TNR: variants seen among roughly 807,000 people sequenced by gnomAD.
TNR encodes tenascin R.
In TNR, 45 loss-of-function variants were observed where a neutral mutation model predicts 150.4. The ratio of observed to expected loss-of-function variants is 0.30; its 90% CI spans 0.24 to 0.38. The LOEUF (loss-of-function observed/expected upper bound fraction) is 0.38. Among genes scored for constraint, TNR ranks in the 10% least tolerant of loss-of-function variants. The pLI is 1.00. For synonymous variants in TNR, 687 were observed against 678.4 expected, an observed-to-expected ratio of 1.01 and a Z score of -0.20; for missense variants, 1,544 against 1,759.1, an observed-to-expected ratio of 0.88 and a Z score of 2.19.
At chr1:175,641,142 G>A (rs905693515) in intron 1 of TNR, among the ~76,000 whole-genome samples, 11 of 152,088 alleles carry the variant, frequency 7.2e-5, no homozygotes, top group African/African-American at 2.7e-4. Flanking sequence ...GGAGAAATTG[G>A]TTAAATAAAA....
intron 1 of TNR, among the ~76,000 whole-genome samples, chr1:175,692,908 C>A (rs1335065127): frequency 6.6e-6 from 1 of 152,172 alleles, no homozygotes; most frequent in African/African-American, 2.4e-5. Flanking sequence ...ATCAGTCCTG[C>A]TTCACAGAAT....
chr1:175,642,230 T>C (rs1664687382), intron 1 of TNR, among the ~76,000 whole-genome samples: 1 of 152,038 alleles, frequency 6.6e-6, no homozygotes, highest in Admixed American at 6.5e-5. Context: ...ATGTGAAAAG[T>C]GTATAGGCAT....
At chr1:175,738,132 G>A (rs545796704) in intron 1 of TNR, among the ~76,000 whole-genome samples, 3 of 152,258 alleles carry the variant, frequency 2.0e-5, no homozygotes, top group African/African-American at 7.2e-5. Context: ...GAAGCCACCT[G>A]CTTGAACGTC....
intron 2 of TNR, among the ~76,000 whole-genome samples, chr1:175,445,892 C>A (rs73042490): frequency 0.021 from 3,185 of 152,236 alleles, 115 homozygotes; most frequent in African/African-American, 0.073. Flanking sequence ...TGTGCCTCTG[C>A]TCAAAATAAG....
At chr1:175,586,863 A>G (rs1662596709) in intron 1 of TNR, among the ~76,000 whole-genome samples, 2 of 152,198 alleles carry the variant, frequency 1.3e-5, no homozygotes, top group South Asian at 4.1e-4. Context: ...CACTTCAGGC[A>G]AAGAGACCAA....
At chr1:175,460,908 T>G (rs1359310122) in intron 2 of TNR, among the ~76,000 whole-genome samples, 1 of 152,142 alleles carries the variant, frequency 6.6e-6, no homozygotes, top group East Asian at 1.9e-4. Flanking sequence ...CCCACACACA[T>G]GTACATGCTC....
intron 21 of TNR, 109 bp downstream of exon 21, chr1:175,329,965 G>T: frequency 1.6e-6 from 2 of 1,222,378 alleles, no homozygotes; most frequent in Non-Finnish European, 2.2e-6. Flanking sequence ...AGCAGCGAAT[G>T]CTGGAACTCT....
intron 1 of TNR, among the ~76,000 whole-genome samples, chr1:175,605,257 T>C (rs1188696693): frequency 1.3e-5 from 2 of 152,210 alleles, no homozygotes; most frequent in African/African-American, 4.8e-5. Flanking sequence ...AGGAAAGTTA[T>C]TTAACCTTTC....
At chr1:175,710,042 G>A (rs1199402141) in intron 1 of TNR, among the ~76,000 whole-genome samples, 1 of 151,994 alleles carries the variant, frequency 6.6e-6, no homozygotes, top group Non-Finnish European at 1.5e-5. Context: ...GTTTTCATAG[G>A]AAAAAGTATG....
intron 9 of TNR, among the ~76,000 whole-genome samples, chr1:175,367,701 T>C (rs149595245): frequency 2.1e-4 from 32 of 152,302 alleles, no homozygotes; most frequent in Middle Eastern, 3.4e-3. Context: ...GACATAGACC[T>C]GAAAAGCATT....
chr1:175,390,151 T>C (rs936510916), intron 7 of TNR, among the ~76,000 whole-genome samples: 3 of 152,210 alleles, frequency 2.0e-5, no homozygotes, highest in Non-Finnish European at 4.4e-5. Flanking sequence ...CAACGTTTTC[T>C]AAACTGAGCT....
intron 1 of TNR, among the ~76,000 whole-genome samples, chr1:175,542,154 T>A (rs1660525374): frequency 1.3e-5 from 2 of 152,070 alleles, no homozygotes; most frequent in South Asian, 2.1e-4. Flanking sequence ...AATTGTTAGG[T>A]TGAAGGAAGG....
chr1:175,524,132 C>A (rs1281691155), intron 2 of TNR, among the ~76,000 whole-genome samples: 1 of 152,190 alleles, frequency 6.6e-6, no homozygotes, highest in East Asian at 1.9e-4. Flanking sequence ...TGCATAGCCT[C>A]ACCATCTCAC....
chr1:175,675,498 G>A (rs1665831478), intron 1 of TNR, among the ~76,000 whole-genome samples: 1 of 152,210 alleles, frequency 6.6e-6, no homozygotes, highest in Admixed American at 6.5e-5. Context: ...TGCTCCATAA[G>A]TGTATGCTGT....
At chr1:175,567,726 C>T (rs567669295) in intron 1 of TNR, among the ~76,000 whole-genome samples, 6 of 152,262 alleles carry the variant, frequency 3.9e-5, no homozygotes, top group African/African-American at 9.6e-5. Context: ...AACTCATTTG[C>T]CTCTCCTGTG....
intron 1 of TNR, among the ~76,000 whole-genome samples, chr1:175,722,421 A>G (rs1211117237): frequency 6.6e-6 from 1 of 151,952 alleles, no homozygotes; most frequent in Non-Finnish European, 1.5e-5. Context: ...GGTGACAGTA[A>G]CCATTTTTCC....
chr1:175,367,193 A>C lies in TNR; in HGVS notation c.2053+15T>G, dbSNP rs2102015257. The C allele has an allele frequency of 6.2e-7, 1 of 1,613,320 alleles. No homozygotes were observed. Among genetic ancestry groups the C allele is most frequent in the South Asian group, 1.1e-5 (1 of 90,994 alleles). On this transcript the variant is annotated intron_variant, in intron 10 of 22. Coordinates refer to ENST00000367674, the MANE Select transcript of TNR (RefSeq NM_003285.3). The stretch of plus-strand genomic sequence containing the variant: ...GGCTAACCTGGTCTTCTTCCTCAGC[A>C]GTCCTCCTACTCACCAGTCCTGGCA...
At chr1:175,638,474 G>A (rs150228483) in intron 1 of TNR, among the ~76,000 whole-genome samples, 3 of 152,276 alleles carry the variant, frequency 2.0e-5, no homozygotes, top group Admixed American at 6.5e-5. Flanking sequence ...GTGGGCACTC[G>A]TGCATATGGC....
At chr1:175,439,693 C>T (rs1212446599) in intron 2 of TNR, among the ~76,000 whole-genome samples, 2 of 152,162 alleles carry the variant, frequency 1.3e-5, no homozygotes, top group Admixed American at 6.5e-5. Flanking sequence ...AAACAAACAA[C>T]CCCATCAGAA....
Sources: gnomAD v4.1 joint callset for allele counts (sites outside exome capture counted in the v4.1 genomes callset) on GRCh38, gnomAD v4.1.1 for gene constraint, MANE v1.5 for transcripts, NCBI Gene and HGNC (gene_info 2026-07-23, HGNC 2026-07-21) for gene names.